YES1: variants seen among roughly 807,000 people sequenced by gnomAD.
YES1 encodes YES proto-oncogene 1, Src family tyrosine kinase.
A neutral mutation model predicts 70.4 loss-of-function variants in YES1; 39 were observed. The ratio of observed to expected loss-of-function variants is 0.55; its 90% CI spans 0.43 to 0.72. The LOEUF is 0.72. YES1 is among the 30% of genes least tolerant of loss of function. YES1 has a pLI of 0.00. For synonymous variants in YES1, 198 were observed against 218.6 expected (o/e 0.91, Z 0.83); for missense variants, 495 against 644.8 (o/e 0.77, Z 2.52).
intron 1 of YES1, among the ~76,000 whole-genome samples, chr18:766,900 A>C (rs1340949413): frequency 2.0e-5 from 3 of 152,276 alleles, no homozygotes; most frequent in African/African-American, 7.2e-5. Flanking sequence ...CTAAACTGTG[A>C]TATTTCTCCC....
chr18:807,749 G>T (rs1273858651), intron 1 of YES1, among the ~76,000 whole-genome samples: 4 of 152,136 alleles, frequency 2.6e-5, no homozygotes, highest in African/African-American at 7.2e-5. Flanking sequence ...AGCCACCACG[G>T]ATATGCAATG....
intron 8 of YES1, 98 bp from the exon 9 acceptor site, chr18:739,909 T>C (rs1442513085): frequency 8.1e-6 from 7 of 868,592 alleles, no homozygotes; most frequent in Admixed American, 3.8e-5. Context: ...CAAAACTTCT[T>C]AGCTTTTCAT....
At chr18:746,169 G>T in intron 4 of YES1, 118 bp from the exon 5 acceptor site, 2 of 677,470 alleles carry the variant, frequency 3.0e-6, no homozygotes, top group Non-Finnish European at 5.1e-6. Flanking sequence ...TAGAGAACAT[G>T]GCTCAAAATA....
intron 1 of YES1, among the ~76,000 whole-genome samples, chr18:780,563 A>G (rs1005928523): frequency 1.3e-5 from 2 of 152,154 alleles, no homozygotes; most frequent in African/African-American, 4.8e-5. Context: ...CTCTGCCTCC[A>G]GATCTGTAAG....
At chr18:761,188 T>A (rs1156511245) in intron 1 of YES1, among the ~76,000 whole-genome samples, 3 of 151,218 alleles carry the variant, frequency 2.0e-5, no homozygotes, top group Non-Finnish European at 4.4e-5. Flanking sequence ...GGGGGAAAGG[T>A]CTACTGTTCC....
intron 6 of YES1, 133 bp from the exon 7 acceptor site, chr18:743,548 A>C (rs1214322417): frequency 1.5e-6 from 1 of 673,288 alleles, no homozygotes. Context: ...TAAAAGCACA[A>C]AACAAAAAGG....
intron 1 of YES1, among the ~76,000 whole-genome samples, chr18:765,187 T>C (rs185546006): frequency 4.2e-5 from 6 of 143,288 alleles, no homozygotes; most frequent in South Asian, 2.3e-4. Flanking sequence ...AATACCTCCA[T>C]AGATACGAAA....
chr18:737,126 A>G (rs1234807837), intron 9 of YES1, 165 bp from the exon 10 acceptor site: 14 of 606,234 alleles, frequency 2.3e-5, no homozygotes, highest in Non-Finnish European at 2.2e-5. Flanking sequence ...ACCAGAAAAC[A>G]TAATAAAAAT....
chr18:810,426 C>T (rs1231935117), intron 1 of YES1, among the ~76,000 whole-genome samples: 1 of 152,048 alleles, frequency 6.6e-6, no homozygotes, highest in Non-Finnish European at 1.5e-5. Flanking sequence ...CCACCTAACC[C>T]AGGAAGACAG....
intron 1 of YES1, among the ~76,000 whole-genome samples, chr18:806,784 T>C (rs1907121370): frequency 6.6e-6 from 1 of 152,244 alleles, no homozygotes; most frequent in South Asian, 2.1e-4. Context: ...TAATGATGTG[T>C]ACTTCTTACT....
Position 724,313 on chromosome 18 carries a change from C to A in YES1, c.*111G>T. 4 of 1,064,338 alleles carry A rather than the reference C, an allele frequency of 3.8e-6. No homozygotes were observed. The highest frequency in any genetic ancestry group is 5.4e-6 in the Non-Finnish European group (4 of 745,968). The allele number at this position is 1,064,338 out of a possible 1,614,324, so 65.9% of individuals were successfully genotyped here. A position where few individuals can be genotyped will look rare whatever the true frequency, so the allele number is the denominator to read the frequency against. On this transcript the variant is annotated 3_prime_UTR_variant, in exon 12 of 12. Transcript: ENST00000314574. ...AACCATATCTGGGATTCCAGTTTAC[C>A]ATTAAAAACATGCAGAGTAAAGAAG...
At position 748,135 on chromosome 18, in the gene YES1, T is replaced by A. The variant is rs566263419; in HGVS notation, c.372-117A>T. On this transcript the variant is annotated intron_variant, in intron 3 of 11. Transcript: ENST00000314574. ...GGGTATTACTTTCATTTTTTATTTATGCATTCATTGGATGAAGAATTAAAC... is the reference window on the plus strand; with the variant it reads ...GGGTATTACTTTCATTTTTTATTTAAGCATTCATTGGATGAAGAATTAAAC... 6 of 724,692 alleles carry A rather than the reference T, an allele frequency of 8.3e-6. No individual in the cohort carries two copies. The South Asian group carries it at 9.1e-5, about 11-fold the overall frequency. 44.9% of individuals were successfully genotyped at this position (724,692 alleles called of 1,614,324 possible).
At chr18:732,729 T>C in intron 11 of YES1, 105 bp downstream of exon 11, 1 of 1,428,626 alleles carries the variant, frequency 7.0e-7, no homozygotes, top group Non-Finnish European at 9.7e-7. Flanking sequence ...GCAGGGGGAC[T>C]ATGAGAAGAA....
In YES1 at chr18:739,741, A is replaced by T. The variant is rs893085998; in HGVS notation, c.1131T>A (p.Ala377=). The change falls in exon 9 of 12, where the codon GCT becomes GCA. Residue 377 remains alanine (A), a synonymous_variant. Transcript: ENST00000314574. ...YLKLPQLVDM[A]AQIADGMAYI... ...CATGTATATATACAGATACCTGAGC[A>T]GCCATATCAACCAGCTGTGGAAGCT... The T allele has an allele frequency of 1.2e-6, 2 of 1,611,074 alleles. No individual in the cohort carries two copies. The highest frequency in any genetic ancestry group is 1.3e-5 in the African/African-American group (1 of 74,886).
rs146494327 is a variant in YES1, at chr18:721,910, A to C, written c.*2514T>G. 9.0e-3 allele frequency: 1,371 copies of C among 152,770 alleles called. 21 individuals carry two copies. The highest frequency in any genetic ancestry group is 0.031 in the African/African-American group (1,305 of 41,574). The allele number at this position is 152,770 out of a possible 1,614,324, so 9.5% of individuals were successfully genotyped here. A position where few individuals can be genotyped will look rare whatever the true frequency, so the allele number is the denominator to read the frequency against. On this transcript the variant is annotated 3_prime_UTR_variant, in exon 12 of 12. Transcript: ENST00000314574. The stretch of plus-strand genomic sequence containing the variant: ...GGTAAGGGTTAACTTCCACATTAAG[A>C]CACTGAAGACGAAAAGCTGTTGGAA...
chr18:783,210 C>T (rs1227457708), intron 1 of YES1, among the ~76,000 whole-genome samples: 1 of 152,000 alleles, frequency 6.6e-6, no homozygotes, highest in Non-Finnish European at 1.5e-5. Flanking sequence ...TAGCTAGACC[C>T]CATCTCTTAA....
rs2079985223 is a variant in YES1, at chr18:723,654, G to A, written c.*770C>T. On this transcript the variant is annotated 3_prime_UTR_variant, in exon 12 of 12. Coordinates refer to ENST00000314574, the MANE Select transcript of YES1 (RefSeq NM_005433.4). ...TGGACAGTAGTTTCAATTATATATT[G>A]CCTTAAAAAATCAATGCAACCTCAT... 1 of 152,498 alleles carries A rather than the reference G, an allele frequency of 6.6e-6. No individual in the cohort carries two copies. Among genetic ancestry groups the A allele is most frequent in the Non-Finnish European group, 1.5e-5 (1 of 68,024 alleles). 9.4% of individuals were successfully genotyped at this position (152,498 alleles called of 1,614,324 possible). A position where few individuals can be genotyped will look rare whatever the true frequency, so the allele number is the denominator to read the frequency against.
At chr18:763,071 A>G (rs900499926) in intron 1 of YES1, among the ~76,000 whole-genome samples, 2 of 152,214 alleles carry the variant, frequency 1.3e-5, no homozygotes, top group African/African-American at 4.8e-5. Context: ...GGAAGAATGA[A>G]AAGTGTACAG....
At chr18:799,665 T>G (rs961581715) in intron 1 of YES1, among the ~76,000 whole-genome samples, 1 of 152,164 alleles carries the variant, frequency 6.6e-6, no homozygotes, top group African/African-American at 2.4e-5. Flanking sequence ...ATCGCGCCAC[T>G]GCATTCCAGC....
Sources: gnomAD v4.1 joint callset for allele counts (sites outside exome capture counted in the v4.1 genomes callset) on GRCh38, gnomAD v4.1.1 for gene constraint, MANE v1.5 for transcripts, NCBI Gene and HGNC (gene_info 2026-07-23, HGNC 2026-07-21) for gene names.